Variants in ENPP1 observed in about 807,000 individuals in gnomAD.
ENPP1 encodes ectonucleotide pyrophosphatase/phosphodiesterase 1.
Under a neutral mutation model 122.8 loss-of-function variants are expected in ENPP1, and 73 were observed. The observed-to-expected ratio is 0.59, with a 90% CI of 0.49 to 0.72. The LOEUF (loss-of-function observed/expected upper bound fraction) is 0.72. ENPP1 is among the 30% of genes least tolerant of loss of function. The pLI is 0.00. For synonymous variants in ENPP1, 367 were observed against 391.6 expected (o/e 0.94, Z 0.74); for missense variants, 978 against 1,128.1 (o/e 0.87, Z 1.91).
intron 20 of ENPP1, among the ~76,000 whole-genome samples, chr6:131,881,928 A>G (rs1001140924): frequency 2.6e-5 from 4 of 152,132 alleles, no homozygotes; most frequent in African/African-American, 7.2e-5. Flanking sequence ...CTGAGGCAGG[A>G]GAATCGCTTG....
rs62424489 is a variant in ENPP1, at chr6:131,865,160, C to G, written c.1164+222C>G. On this transcript the variant is annotated intron_variant, in intron 11 of 24. Coordinates refer to ENST00000647893, the MANE Select transcript of ENPP1 (RefSeq NM_006208.3). ...CACAGTGCTAAATTAAACTGATGATCAATTAGCTTCTATATTTTCAATTTG... is the reference window on the plus strand; with the variant it reads ...CACAGTGCTAAATTAAACTGATGATGAATTAGCTTCTATATTTTCAATTTG... Among the ~76,000 whole-genome samples, 7,488 of 152,268 alleles carry G rather than the reference C, an allele frequency of 0.049. 278 individuals carry two copies. Among genetic ancestry groups the G allele is most frequent in the African/African-American group, 0.1 (4,139 of 41,554 alleles).
At chr6:131,844,688 T>C (rs1170461529) in intron 1 of ENPP1, among the ~76,000 whole-genome samples, 1 of 152,194 alleles carries the variant, frequency 6.6e-6, no homozygotes, top group African/African-American at 2.4e-5. Flanking sequence ...ATGCTAACAC[T>C]GCCATGGTGC....
At chr6:131,877,420 T>C (rs946112131) in intron 18 of ENPP1, 2 of 505,366 alleles carry the variant, frequency 4.0e-6, no homozygotes, top group African/African-American at 3.9e-5. Context: ...GTCTAGTTAG[T>C]TGACTTGGGT....
At chr6:131,836,117 C>CT (rs35069563) in intron 1 of ENPP1, among the ~76,000 whole-genome samples, 165 of 143,696 alleles carry the variant, frequency 1.1e-3, no homozygotes, top group Middle Eastern at 3.7e-3. Flanking sequence ...GTGTGGTTTT[C>CT]TTTTTTTTTT....
At chr6:131,850,883 T>C (rs1368202658) in intron 3 of ENPP1, among the ~76,000 whole-genome samples, 2 of 152,220 alleles carry the variant, frequency 1.3e-5, no homozygotes, top group Non-Finnish European at 2.9e-5. Flanking sequence ...TACATATGAA[T>C]TGCATATGGT....
At chr6:131,840,383 T>G (rs1781725136) in intron 1 of ENPP1, among the ~76,000 whole-genome samples, 1 of 152,230 alleles carries the variant, frequency 6.6e-6, no homozygotes, top group Non-Finnish European at 1.5e-5. Context: ...AATGCACTGG[T>G]TTATGGCATT....
chr6:131,884,746 G>T (rs2114729521), intron 22 of ENPP1, among the ~76,000 whole-genome samples, 185 bp from the exon 23 acceptor site: 1 of 152,314 alleles, frequency 6.6e-6, no homozygotes, highest in Middle Eastern at 3.4e-3. Flanking sequence ...CTGCACTCCA[G>T]CCTGGGTGAT....
At chr6:131,887,394 AT>A (rs35908580) in intron 24 of ENPP1, among the ~76,000 whole-genome samples, 264 of 139,098 alleles carry the variant, frequency 1.9e-3, no homozygotes, top group Middle Eastern at 3.6e-3. Flanking sequence ...CATTTTAGCA[AT>A]TTTTTTTTTT....
chr6:131,843,609 C>A (rs975827973), intron 1 of ENPP1, among the ~76,000 whole-genome samples: 2 of 151,880 alleles, frequency 1.3e-5, no homozygotes, highest in East Asian at 3.9e-4. Flanking sequence ...TTCTCTTATC[C>A]CCTTTTGTAT....
At chr6:131,875,725 A>C (rs1317777766) in intron 16 of ENPP1, 51 bp from the exon 17 acceptor site, 1 of 1,471,538 alleles carries the variant, frequency 6.8e-7, no homozygotes, top group Non-Finnish European at 9.5e-7. Context: ...TTTGGGACCA[A>C]CTTGTAGACA....
intron 11 of ENPP1, 77 bp downstream of exon 11, chr6:131,865,015 G>A: frequency 2.3e-6 from 2 of 875,760 alleles, no homozygotes; most frequent in Non-Finnish European, 3.9e-6. Context: ...GAGGCTGCTA[G>A]ACCATTTTAT....
rs1782484907 is a variant in ENPP1 at position 131,892,553 on chromosome 6, G to A, written c.*2042G>A. 6.6e-6 allele frequency: 1 copy of A among 152,182 alleles called. No homozygotes were observed. The highest frequency in any genetic ancestry group is 6.5e-5 in the Admixed American group (1 of 15,270). The allele number at this position is 152,182 out of a possible 1,614,324, so 9.4% of individuals were successfully genotyped here. On this transcript the variant is annotated 3_prime_UTR_variant, in exon 25 of 25. Coordinates refer to ENST00000647893, the MANE Select transcript of ENPP1 (RefSeq NM_006208.3). ...GGAAGAGCTTCATTACACCAGGTGG[G>A]AATGAAATTCCCAGTAGCCTACACA...
At position 131,824,143 on chromosome 6, in the gene ENPP1, C is replaced by T. The variant is rs900506230; in HGVS notation, c.240+15868C>T. Among the ~76,000 whole-genome samples the T allele has an allele frequency of 2.6e-5, 4 of 151,940 alleles. No individual in the cohort carries two copies. The East Asian group carries it at 7.7e-4, about 29-fold the overall frequency. On this transcript the variant is annotated intron_variant, in intron 1 of 24. Transcript: ENST00000647893. ...TTATCTGAAGGGACCAGATATTTAT[C>T]GAAGAATTATACAAGATTATCTCAA...
chr6:131,842,231 G>A (rs916847132), intron 1 of ENPP1, among the ~76,000 whole-genome samples: 6 of 152,120 alleles, frequency 3.9e-5, no homozygotes, highest in African/African-American at 7.2e-5. Flanking sequence ...AAAAGTGCCC[G>A]GCACGTAGGA....
At chr6:131,820,602 T>C (rs1781472848) in intron 1 of ENPP1, 1 of 152,260 alleles carries the variant, frequency 6.6e-6, no homozygotes, top group African/African-American at 2.4e-5. Flanking sequence ...AAAATTAACC[T>C]AGTTACAATG....
chr6:131,842,547 C>T (rs1469516374), intron 1 of ENPP1, among the ~76,000 whole-genome samples: 1 of 152,082 alleles, frequency 6.6e-6, no homozygotes, highest in Non-Finnish European at 1.5e-5. Context: ...ATACTCAAAC[C>T]TTTGTTTACT....
At position 131,827,696 on chromosome 6, in the gene ENPP1, CT is replaced by C. The variant is rs1781562391; in HGVS notation, c.240+19426del. On this transcript the variant is annotated intron_variant, in intron 1 of 24. Coordinates refer to ENST00000647893, the MANE Select transcript of ENPP1 (RefSeq NM_006208.3). ...TCTACGTGCATGCGGAATCTTCTCA[CT>C]TTTTCAAAGATGGCTGTGGCCTCTT... The C allele has an allele frequency of 4.5e-6, 3 of 661,914 alleles. No homozygotes were observed. The East Asian group carries it at 8.6e-5, about 19-fold the overall frequency. 41.0% of individuals were successfully genotyped at this position (661,914 alleles called of 1,614,324 possible).
chr6:131,830,952 A>AT (rs2075634950), intron 1 of ENPP1, among the ~76,000 whole-genome samples: 1 of 151,816 alleles, frequency 6.6e-6, no homozygotes, highest in African/African-American at 2.4e-5. Flanking sequence ...TCTCTACCAA[A>AT]AATACGGAAA....
chr6:131,877,116 C>T lies in ENPP1; in HGVS notation c.1848C>T (p.Phe616=), dbSNP rs1224567406. Residue 616 remains phenylalanine, a synonymous_variant, in exon 18 of 25, where the codon TTC becomes TTT. Transcript: ENST00000647893. Reference sequence around the variant, plus strand: ...TGCACCCCCTGGTACAGTGCCCCTTCACAAGAAACCCCAGAGATAACCTTG... The same window carrying T: ...TGCACCCCCTGGTACAGTGCCCCTTTACAAGAAACCCCAGAGATAACCTTG... ...KEVHPLVQCP[F]TRNPRDNLGC... The T allele has an allele frequency of 6.2e-7, 1 of 1,614,022 alleles. No homozygotes were observed. The highest frequency in any genetic ancestry group is 1.3e-5 in the African/African-American group (1 of 75,044).
Sources: allele counts gnomAD v4.1 joint callset (sites outside exome capture counted in the v4.1 genomes callset), GRCh38; gene constraint gnomAD v4.1.1; transcripts MANE v1.5; gene names NCBI Gene and HGNC (gene_info 2026-07-23, HGNC 2026-07-21).